PSMF1: variants seen among roughly 807,000 people sequenced by gnomAD.
The protein encoded by PSMF1 is proteasome inhibitor PI31 subunit.
PSMF1 carries 30 observed loss-of-function variants against 29.3 expected under a neutral mutation model. The observed-to-expected ratio is 1.02, with a 90% CI of 0.77 to 1.39. PSMF1 has a LOEUF of 1.39. PSMF1 is among the 40% of genes most tolerant of loss of function. PSMF1 has a pLI of 0.00. For synonymous variants in PSMF1, 134 were observed against 139.7 expected, an observed-to-expected ratio of 0.96 and a Z score of 0.29; for missense variants, 344 against 357.5, an observed-to-expected ratio of 0.96 and a Z score of 0.31.
intron 3 of PSMF1, among the ~76,000 whole-genome samples, chr20:1,133,613 CAG>C (rs1353311228): frequency 2.0e-5 from 2 of 97,630 alleles, no homozygotes; most frequent in East Asian, 4.9e-4. Flanking sequence ...GTTTTGATAC[CAG>C]AGTAATACTG....
intron 4 of PSMF1, among the ~76,000 whole-genome samples, chr20:1,140,975 T>C (rs2086373223): frequency 6.6e-6 from 1 of 152,234 alleles, no homozygotes; most frequent in South Asian, 2.1e-4. Context: ...ATATGATATA[T>C]GCTTACAACT....
chr20:1,158,821 C>G (rs780376536), intron 4 of PSMF1, among the ~76,000 whole-genome samples: 2 of 152,298 alleles, frequency 1.3e-5, no homozygotes, highest in African/African-American at 2.4e-5. Context: ...TTAGCACATG[C>G]AAGACTGAGA....
chr20:1,151,015 C>T (rs989414676), intron 4 of PSMF1, among the ~76,000 whole-genome samples: 1 of 152,186 alleles, frequency 6.6e-6, no homozygotes, highest in African/African-American at 2.4e-5. Flanking sequence ...AAAAGATTAT[C>T]CTCTACCTAT....
chr20:1,163,043 C>A lies in PSMF1; in HGVS notation c.552-87C>A. The A allele has an allele frequency of 6.9e-7, 1 of 1,457,068 alleles. No homozygotes were observed. Among genetic ancestry groups the A allele is most frequent in the Non-Finnish European group, 9.5e-7 (1 of 1,047,370 alleles). The allele number at this position is 1,457,068 out of a possible 1,614,324, so 90.3% of individuals were successfully genotyped here. A position where few individuals can be genotyped will look rare whatever the true frequency, so the allele number is the denominator to read the frequency against. ...GCTATGGTCTCATGCAAGGGTTTCC[C>A]ATGCCTGTGAGTGTGTTTGTGATCC... On this transcript the variant is annotated intron_variant, in intron 4 of 6. Transcript: ENST00000335877. This position sits in a 1 kb window ranked among gnomAD's most constrained non-coding sequence, Gnocchi z 6.1.
chr20:1,160,396 T>C (rs924887617), intron 4 of PSMF1, among the ~76,000 whole-genome samples: 14 of 152,202 alleles, frequency 9.2e-5, no homozygotes, highest in African/African-American at 3.1e-4. Context: ...TCAGGCTGAC[T>C]GCAGTTTCCT....
intron 4 of PSMF1, among the ~76,000 whole-genome samples, chr20:1,142,727 A>G (rs1322280696): frequency 6.6e-6 from 1 of 152,220 alleles, no homozygotes; most frequent in African/African-American, 2.4e-5. Context: ...GCCGCAATAA[A>G]CATATATGTG....
At chr20:1,161,254 C>T (rs568705488) in intron 4 of PSMF1, 4 of 317,918 alleles carry the variant, frequency 1.3e-5, no homozygotes, top group Admixed American at 1.1e-4. Flanking sequence ...CAGGAGATGG[C>T]CACCGCTATG....
intron 4 of PSMF1, among the ~76,000 whole-genome samples, chr20:1,148,484 C>CT (rs1172318125): frequency 2.0e-5 from 3 of 152,152 alleles, no homozygotes; most frequent in Non-Finnish European, 4.4e-5. Flanking sequence ...AAAAATAAAT[C>CT]TTTAGATATA....
chr20:1,137,869 G>A (rs1420846001), intron 4 of PSMF1, among the ~76,000 whole-genome samples: 7 of 152,176 alleles, frequency 4.6e-5, no homozygotes, highest in African/African-American at 1.4e-4. Flanking sequence ...AGTATTTAAA[G>A]GTGAATGATA....
intron 4 of PSMF1, among the ~76,000 whole-genome samples, chr20:1,144,881 T>C (rs1307484495): frequency 6.6e-6 from 1 of 152,144 alleles, no homozygotes; most frequent in Non-Finnish European, 1.5e-5. Context: ...TTGTGCTGTT[T>C]TTCCAACCCC....
At chr20:1,145,942 T>C (rs2086443941) in intron 4 of PSMF1, among the ~76,000 whole-genome samples, 1 of 152,222 alleles carries the variant, frequency 6.6e-6, no homozygotes, top group African/African-American at 2.4e-5. Context: ...CCAAGATTAC[T>C]GGCTTTTTTC....
At chr20:1,143,364 G>T (rs980804594) in intron 4 of PSMF1, among the ~76,000 whole-genome samples, 10 of 152,300 alleles carry the variant, frequency 6.6e-5, no homozygotes, top group Non-Finnish European at 1.2e-4. Flanking sequence ...TTTGACAAGG[G>T]TGCAAAAACA....
chr20:1,156,643 A>G lies in PSMF1; in HGVS notation c.552-6487A>G, dbSNP rs1009722359. Among the ~76,000 whole-genome samples, 11 of 152,232 alleles carry G rather than the reference A, an allele frequency of 7.2e-5. 1 individual carries two copies. Among genetic ancestry groups the G allele is most frequent in the Admixed American group, 7.2e-4 (11 of 15,288 alleles). On this transcript the variant is annotated intron_variant, in intron 4 of 6. Coordinates refer to ENST00000335877, the MANE Select transcript of PSMF1 (RefSeq NM_006814.5). ...AGAGAAAAAGAATTGTCAACCCAGA[A>G]TTCTATATCCAGTGAATATTTCACC...
At chr20:1,144,022 A>C (rs1272475882) in intron 4 of PSMF1, among the ~76,000 whole-genome samples, 2 of 152,158 alleles carry the variant, frequency 1.3e-5, no homozygotes, top group African/African-American at 4.8e-5. Flanking sequence ...CGGGAGGCGG[A>C]GGTTGCAGTG....
intron 3 of PSMF1, among the ~76,000 whole-genome samples, chr20:1,129,627 T>G (rs1246059582): frequency 6.6e-6 from 1 of 152,172 alleles, no homozygotes; most frequent in Non-Finnish European, 1.5e-5. Flanking sequence ...CTTAAAACCC[T>G]TCAGTGATGC....
chr20:1,146,147 C>A (rs1295212919), intron 4 of PSMF1, among the ~76,000 whole-genome samples: 1 of 152,098 alleles, frequency 6.6e-6, no homozygotes, highest in Non-Finnish European at 1.5e-5. Flanking sequence ...ATTGCTGTTA[C>A]AGAGGTTAGC....
At chr20:1,130,683 G>C (rs2086217367) in intron 3 of PSMF1, among the ~76,000 whole-genome samples, 2 of 152,098 alleles carry the variant, frequency 1.3e-5, no homozygotes, top group South Asian at 2.1e-4. Context: ...GCAGGCTGGA[G>C]TACAGTGGCA....
chr20:1,171,699 G>C lies in PSMF1; in HGVS notation c.*6619G>C, dbSNP rs563221099. Among the ~76,000 whole-genome samples the C allele has an allele frequency of 6.6e-6, 1 of 152,170 alleles. No individual in the cohort carries two copies. The highest frequency in any genetic ancestry group is 1.5e-5 in the Non-Finnish European group (1 of 68,028). On this transcript the variant is annotated 3_prime_UTR_variant, in exon 7 of 7. Transcript: ENST00000335877. ...GTCAGCGCCCAGCCTCCCTAAAGCCGCTGGAGGAGGCCTTTGGAGCCAGCT... is the reference window on the plus strand; with the variant it reads ...GTCAGCGCCCAGCCTCCCTAAAGCCCCTGGAGGAGGCCTTTGGAGCCAGCT...
Position 1,169,457 on chromosome 20 carries a change from C to T in PSMF1, c.*4377C>T, listed in dbSNP as rs2086768258. Among the ~76,000 whole-genome samples, 2 of 152,144 alleles carry T rather than the reference C, an allele frequency of 1.3e-5. No individual in the cohort carries two copies. The highest frequency in any genetic ancestry group is 4.8e-5 in the African/African-American group (2 of 41,422). On this transcript the variant is annotated 3_prime_UTR_variant, in exon 7 of 7. Transcript: ENST00000335877. ...CACTGGATGCCCATTTGAACAGCTG[C>T]GTTCCAGATGAGCCACCTAAGGTGG... is the stretch of plus-strand genomic sequence containing the variant.
Sources: gnomAD v4.1 joint callset for allele counts (sites outside exome capture counted in the v4.1 genomes callset) on GRCh38, gnomAD v4.1.1 for gene constraint, Gnocchi (gnomAD v3.1) non-coding constraint, MANE v1.5 for transcripts, NCBI Gene and HGNC (gene_info 2026-07-23, HGNC 2026-07-21) for gene names.